RBFOX1: variants seen among roughly 807,000 people sequenced by gnomAD.
RBFOX1 encodes the protein RNA binding fox-1 homolog 1.
Under a neutral mutation model 57.7 loss-of-function variants are expected in RBFOX1, and 8 were observed. The ratio of observed to expected loss-of-function variants is 0.14; its 90% CI spans 0.08 to 0.25. The LOEUF is 0.25. RBFOX1 is among the 10% of genes least tolerant of loss of function. The probability of loss-of-function intolerance (pLI) is 1.00; values close to 1 mark genes in which losing one functional copy is unlikely to be tolerated. For missense variants in RBFOX1, 611 were observed against 548.5 expected, an observed-to-expected ratio of 1.11 and a Z score of -1.14; for synonymous variants, 326 against 222.4, an observed-to-expected ratio of 1.47 and a Z score of -4.15.
intron 3 of RBFOX1, among the ~76,000 whole-genome samples, chr16:5,654,063 C>G (rs979143375): frequency 2.6e-5 from 4 of 152,170 alleles, no homozygotes; most frequent in African/African-American, 9.7e-5. Flanking sequence ...CCATCCCTGC[C>G]TGTAGTGAAA....
intron 4 of RBFOX1, among the ~76,000 whole-genome samples, chr16:7,074,103 G>C (rs1329637441): frequency 6.6e-6 from 1 of 152,144 alleles, no homozygotes; most frequent in South Asian, 2.1e-4. Flanking sequence ...TACAATATTT[G>C]TTTTCTGTCT....
chr16:7,488,037 G>A lies in RBFOX1; in HGVS notation c.28-30110G>A, dbSNP rs140233933. ...GCCTTGTGAATGAAGGGGGCACCTC[G>A]GCGGAAGTAATCACTGGAGGTGATG... is the stretch of plus-strand genomic sequence containing the variant. On this transcript the variant is annotated intron_variant, in intron 4 of 15. Transcript: ENST00000550418. Among the ~76,000 whole-genome samples, 714 of 152,226 alleles carry A rather than the reference G, an allele frequency of 4.7e-3. 1 individual carries two copies. The highest frequency in any genetic ancestry group is 0.013 in the South Asian group (63 of 4,820).
At chr16:6,728,905 A>C (rs1356977867) in intron 3 of RBFOX1, among the ~76,000 whole-genome samples, 1 of 152,226 alleles carries the variant, frequency 6.6e-6, no homozygotes, top group Non-Finnish European at 1.5e-5. Context: ...TATATAGTAC[A>C]TGTATACATA....
chr16:5,725,401 C>T (rs1487669220), intron 3 of RBFOX1, among the ~76,000 whole-genome samples: 2 of 151,826 alleles, frequency 1.3e-5, no homozygotes, highest in African/African-American at 4.8e-5. Flanking sequence ...GCACCACTGC[C>T]CCCAGCTAAT....
chr16:5,811,283 G>A lies in RBFOX1; in HGVS notation c.319-56020G>A, dbSNP rs549840796. Among the ~76,000 whole-genome samples, 10 of 147,196 alleles carry A rather than the reference G, an allele frequency of 6.8e-5. No homozygotes were observed. In the East Asian group the frequency reaches 1.4e-3, roughly 21 times the overall value. On this transcript the variant is annotated intron_variant, in intron 3 of 19. Coordinates refer to the RBFOX1 transcript ENST00000641259. Reference sequence around the variant, plus strand: ...CAAGTAGCTGGGATTACAGGCACCCGCCATCATGCCCAGCTAATTTTTATA... The same window carrying A: ...CAAGTAGCTGGGATTACAGGCACCCACCATCATGCCCAGCTAATTTTTATA...
At chr16:5,691,857 GA>G (rs1419132628) in intron 3 of RBFOX1, among the ~76,000 whole-genome samples, 1 of 152,096 alleles carries the variant, frequency 6.6e-6, no homozygotes, top group Non-Finnish European at 1.5e-5. Flanking sequence ...CCAGAGTTGG[GA>G]TTCAATCCCC....
At chr16:7,022,995 C>T (rs552490904) in intron 3 of RBFOX1, among the ~76,000 whole-genome samples, 1 of 152,062 alleles carries the variant, frequency 6.6e-6, no homozygotes, top group South Asian at 2.1e-4. Context: ...AATGCTTTTG[C>T]AGAAGTTGGC....
At chr16:6,388,537 G>A (rs1020334712) in intron 2 of RBFOX1, among the ~76,000 whole-genome samples, 12 of 151,704 alleles carry the variant, frequency 7.9e-5, no homozygotes, top group East Asian at 3.9e-4. Context: ...TATATTTGTC[G>A]TGTGATATAT....
At chr16:5,519,775 A>G (rs1196501390) in intron 2 of RBFOX1, among the ~76,000 whole-genome samples, 5 of 152,338 alleles carry the variant, frequency 3.3e-5, no homozygotes, top group Non-Finnish European at 7.3e-5. Flanking sequence ...TGGATAAGAC[A>G]GCCTGGGCGA....
chr16:5,250,226 G>T (rs1220225181), intron 1 of RBFOX1, among the ~76,000 whole-genome samples: 1 of 152,010 alleles, frequency 6.6e-6, no homozygotes, highest in Non-Finnish European at 1.5e-5. Context: ...AGGTAACACT[G>T]GGGAGGGTTG....
At chr16:6,970,703 A>G (rs1168782674) in intron 3 of RBFOX1, among the ~76,000 whole-genome samples, 3 of 152,186 alleles carry the variant, frequency 2.0e-5, no homozygotes, top group Non-Finnish European at 2.9e-5. Flanking sequence ...TCTTAATACT[A>G]TCATGTTGGA....
intron 4 of RBFOX1, among the ~76,000 whole-genome samples, chr16:7,300,692 A>G (rs2096010452): frequency 6.6e-6 from 1 of 152,248 alleles, no homozygotes; most frequent in African/African-American, 2.4e-5. Flanking sequence ...TGAGAAAAGA[A>G]AAAAATGGTT....
chr16:6,379,502 G>A (rs751353306), intron 2 of RBFOX1, among the ~76,000 whole-genome samples: 9 of 152,014 alleles, frequency 5.9e-5, no homozygotes, highest in Non-Finnish European at 8.8e-5. Context: ...TCATAGGAGG[G>A]CATAAGAACC....
chr16:7,172,751 A>C (rs1308519942), intron 4 of RBFOX1, among the ~76,000 whole-genome samples: 1 of 152,204 alleles, frequency 6.6e-6, no homozygotes, highest in African/African-American at 2.4e-5. Flanking sequence ...GGTGGCAGAC[A>C]CAGAGGTGTC....
chr16:7,424,166 A>C (rs1384947939), intron 4 of RBFOX1, among the ~76,000 whole-genome samples: 1 of 152,198 alleles, frequency 6.6e-6, no homozygotes, highest in Non-Finnish European at 1.5e-5. Context: ...AAGTGACTCC[A>C]GTAGCAGATT....
chr16:5,872,191 C>T (rs1434317089), intron 4 of RBFOX1, among the ~76,000 whole-genome samples: 3 of 152,190 alleles, frequency 2.0e-5, no homozygotes, highest in African/African-American at 7.2e-5. Context: ...CAGTCCTAGC[C>T]ATCCTGTGTC....
intron 2 of RBFOX1, among the ~76,000 whole-genome samples, chr16:5,487,304 C>T (rs1243239531): frequency 1.3e-5 from 2 of 152,192 alleles, no homozygotes; most frequent in African/African-American, 4.8e-5. Context: ...GAGTTCGTAG[C>T]ACAGGGTCTG....
intron 1 of RBFOX1, among the ~76,000 whole-genome samples, chr16:6,147,948 T>C (rs1273177144): frequency 2.6e-5 from 4 of 152,246 alleles, no homozygotes; most frequent in African/African-American, 9.6e-5. Flanking sequence ...AAGGGTCTCC[T>C]ACAGCCTTCT....
intron 4 of RBFOX1, among the ~76,000 whole-genome samples, chr16:7,291,406 T>A (rs1322507810): frequency 5.3e-5 from 8 of 152,106 alleles, no homozygotes; most frequent in African/African-American, 1.9e-4. Context: ...CTAGGCTAAA[T>A]AAAATAATGT....
Sources: allele counts gnomAD v4.1 joint callset (sites outside exome capture counted in the v4.1 genomes callset), GRCh38; gene constraint gnomAD v4.1.1; transcripts MANE v1.5; gene names NCBI Gene and HGNC (gene_info 2026-07-23, HGNC 2026-07-21).